The following CFAP54 variants were observed in gnomAD, a reference collection of about 807,000 sequenced individuals.
CFAP54 encodes cilia and flagella associated protein 54, also known as cilia- and flagella-associated protein 54.
Under a neutral mutation model 370.4 loss-of-function variants are expected in CFAP54, and 290 were observed. The ratio of observed to expected loss-of-function variants is 0.78; its 90% confidence interval spans 0.71 to 0.86. The LOEUF (loss-of-function observed/expected upper bound fraction) is 0.86, where lower values mean the gene tolerates loss of function less well. Among genes scored for constraint, CFAP54 ranks in the 40% least tolerant of loss-of-function variants. The pLI, the probability that CFAP54 is intolerant of heterozygous loss-of-function variation, is 0.00. For synonymous variants in CFAP54, 1,206 were observed against 1,236.5 expected (o/e 0.98, Z 0.52); for missense variants, 3,399 against 3,528.7 (o/e 0.96, Z 0.93).
chr12:96,635,423 C>T (rs571653510), intron 32 of CFAP54, among the ~76,000 whole-genome samples: 2 of 152,258 alleles, frequency 1.3e-5, no homozygotes, highest in African/African-American at 2.4e-5. Flanking sequence ...TCTTTTTGCT[C>T]ATACCACTCA....
chr12:96,745,454 T>A (rs1958104120), intron 55 of CFAP54, among the ~76,000 whole-genome samples: 1 of 152,262 alleles, frequency 6.6e-6, no homozygotes, highest in Admixed American at 6.5e-5. Context: ...TGAGCTTTTT[T>A]TCATGTTTGC....
At chr12:96,512,532 G>T (rs575177545) in intron 4 of CFAP54, among the ~76,000 whole-genome samples, 1 of 151,702 alleles carries the variant, frequency 6.6e-6, no homozygotes, top group Admixed American at 6.6e-5. Flanking sequence ...TAGTAGAAAC[G>T]GGGTTTTACC....
intron 26 of CFAP54, among the ~76,000 whole-genome samples, chr12:96,606,417 G>A (rs1956301498): frequency 6.6e-6 from 1 of 152,234 alleles, no homozygotes; most frequent in African/African-American, 2.4e-5. Flanking sequence ...AGCATTGTCT[G>A]TAAACAGAAT....
At chr12:96,649,116 A>G (rs1956830828) in intron 34 of CFAP54, among the ~76,000 whole-genome samples, 1 of 152,134 alleles carries the variant, frequency 6.6e-6, no homozygotes, top group South Asian at 2.1e-4. Context: ...TGCCAACCAG[A>G]GTTCTTGGTA....
intron 66 of CFAP54, among the ~76,000 whole-genome samples, chr12:96,848,442 T>C (rs887962949): frequency 6.6e-6 from 1 of 152,204 alleles, no homozygotes; most frequent in African/African-American, 2.4e-5. Context: ...CTCACGCCTG[T>C]AATCCCAGCA....
chr12:96,742,219 C>T (rs1238368809), intron 51 of CFAP54, among the ~76,000 whole-genome samples: 1 of 152,106 alleles, frequency 6.6e-6, no homozygotes, highest in African/African-American at 2.4e-5. Flanking sequence ...AGCTGAAAAG[C>T]AGTATGCTAA....
intron 51 of CFAP54, 89 bp from the exon 52 acceptor site, chr12:96,742,350 T>C: frequency 1.2e-6 from 1 of 848,394 alleles, no homozygotes; most frequent in Non-Finnish European, 1.8e-6. Context: ...TGATACCAGA[T>C]GCCTTTTAAA....
rs4018882 is a variant in CFAP54, at chr12:96,535,008, C to CTGTGTGTG, written c.1706-469_1706-462dup. ...GAGCCACTAAGATTAGTTTTCTTTT[C>CTGTGTGTG]TGTGTGTGTGTGTGTGTGTGTGTGT... On this transcript the variant is annotated intron_variant, in intron 11 of 67. Transcript: ENST00000524981. 5.2e-3 allele frequency among the ~76,000 whole-genome samples: 715 copies of CTGTGTGTG among 137,424 alleles called. 7 individuals are homozygous for CTGTGTGTG. The highest frequency in any genetic ancestry group is 0.015 in the African/African-American group (559 of 36,118). 90.2% of individuals were successfully genotyped at this position (137,424 alleles called of 152,430 possible).
chr12:96,833,562 T>C (rs1834330013), intron 66 of CFAP54, among the ~76,000 whole-genome samples: 1 of 147,674 alleles, frequency 6.8e-6, no homozygotes, highest in Non-Finnish European at 1.5e-5. Context: ...TGAACTAGAG[T>C]CATACAGAAT....
At chr12:96,756,686 G>A in intron 57 of CFAP54, 123 bp downstream of exon 57, 1 of 666,882 alleles carries the variant, frequency 1.5e-6, no homozygotes, top group East Asian at 2.9e-5. Flanking sequence ...CTAGTTCATG[G>A]GGTCCATCTC....
intron 67 of CFAP54, among the ~76,000 whole-genome samples, chr12:96,863,073 T>C (rs958640827): frequency 1.3e-5 from 2 of 152,196 alleles, no homozygotes; most frequent in African/African-American, 4.8e-5. Context: ...TTTCTGTTTT[T>C]CTTTACTTTA....
chr12:96,562,480 G>A lies in CFAP54; in HGVS notation c.2411-1988G>A, dbSNP rs371072479. Among the ~76,000 whole-genome samples the A allele has an allele frequency of 1.8e-4, 26 of 145,208 alleles. No individual in the cohort carries two copies. The East Asian group carries it at 4.1e-3, about 23-fold the overall frequency. ...CTCCCTCTGTCACCTAGGCTGGAGTGCAGTGACGTTATCTCAGCTCACTGG... is the reference window on the plus strand; with the variant it reads ...CTCCCTCTGTCACCTAGGCTGGAGTACAGTGACGTTATCTCAGCTCACTGG... On this transcript the variant is annotated intron_variant, in intron 17 of 67. Transcript: ENST00000524981.
intron 39 of CFAP54, among the ~76,000 whole-genome samples, chr12:96,677,674 T>G (rs374115740): frequency 2.6e-5 from 4 of 152,060 alleles, no homozygotes; most frequent in East Asian, 3.9e-4. Context: ...TTCCAGGGAG[T>G]TCACAAGAAC....
At chr12:96,803,740 A>G (rs970239770) in intron 63 of CFAP54, among the ~76,000 whole-genome samples, 2 of 152,180 alleles carry the variant, frequency 1.3e-5, no homozygotes, top group South Asian at 2.1e-4. Flanking sequence ...GGAAAAAATA[A>G]TTGTCCCCTA....
chr12:96,722,852 G>T (rs1389752592), intron 50 of CFAP54, among the ~76,000 whole-genome samples: 1 of 152,132 alleles, frequency 6.6e-6, no homozygotes, highest in Non-Finnish European at 1.5e-5. Context: ...GATGTAAGTT[G>T]TGAGAAAAAG....
chr12:96,786,057 T>C (rs78694961), intron 61 of CFAP54, among the ~76,000 whole-genome samples: 1 of 152,332 alleles, frequency 6.6e-6, no homozygotes, highest in Non-Finnish European at 1.5e-5. Flanking sequence ...ACTTTTCAAA[T>C]AAACTGTCTA....
chr12:96,624,203 G>A (rs1956528618), intron 28 of CFAP54, among the ~76,000 whole-genome samples: 1 of 152,098 alleles, frequency 6.6e-6, no homozygotes. Context: ...CTTTGTTGTG[G>A]GGGACTGTCC....
intron 35 of CFAP54, among the ~76,000 whole-genome samples, chr12:96,650,729 A>G (rs1030614068): frequency 2.0e-5 from 3 of 152,248 alleles, no homozygotes; most frequent in African/African-American, 7.2e-5. Context: ...TAGATAAGAA[A>G]GGAAGACAGG....
At chr12:96,688,197 A>G (rs76783821) in intron 42 of CFAP54, among the ~76,000 whole-genome samples, 6,026 of 152,284 alleles carry the variant, frequency 0.04, 220 homozygotes, top group South Asian at 0.19. Context: ...TAAGACTCAT[A>G]TATAGAACAC....
Sources: allele counts gnomAD v4.1 joint callset (sites outside exome capture counted in the v4.1 genomes callset), GRCh38; gene constraint gnomAD v4.1.1; transcripts MANE v1.5; gene names NCBI Gene and HGNC (gene_info 2026-07-23, HGNC 2026-07-21).